Variants in ABCB11 observed in about 807,000 individuals in gnomAD.
ABCB11 encodes bile salt export pump.
In ABCB11, 95 loss-of-function variants were observed where a neutral mutation model predicts 148.0. That is an observed-to-expected ratio of 0.64 (90% confidence interval 0.54 to 0.76). The LOEUF (loss-of-function observed/expected upper bound fraction) is 0.76. ABCB11 is among the 30% of genes least tolerant of loss of function. The pLI, the probability that ABCB11 is intolerant of heterozygous loss-of-function variation, is 0.00. For missense variants in ABCB11, 1,523 were observed against 1,617.8 expected (o/e 0.94, Z 1.01); for synonymous variants, 591 against 555.4 (o/e 1.06, Z -0.90).
In ABCB11 at chr2:168,945,024, T is replaced by C. The variant is rs1217925846; in HGVS notation, c.2344-63A>G. 18 of 1,171,282 alleles carry C rather than the reference T, an allele frequency of 1.5e-5. No homozygotes were observed. In the Admixed American group the frequency reaches 2.4e-4, roughly 16 times the overall value. 72.6% of individuals were successfully genotyped at this position (1,171,282 alleles called of 1,614,324 possible). ...AAATAGAAAAATAAATCTATTTACA[T>C]GTTTAAAATGAATTTTTCTTACCAT... On this transcript the variant is annotated intron_variant, in intron 19 of 27. Transcript: ENST00000650372.
At position 168,970,155 on chromosome 2, in the gene ABCB11, C is replaced by T. The variant is rs886055066; in HGVS notation, c.1699G>A (p.Val567Ile). Residue 567 changes from valine to isoleucine, a missense_variant, in exon 15 of 28, where the codon GTA (valine) becomes ATA (isoleucine). Transcript: ENST00000650372. ...GQMSGGQKQR[V>I]AIARALIRNP... is the part of the protein sequence containing the mutation. ...CGGATGAGGGCTCTGGCGATAGCTA[C>T]CCTTTGTTTCTGGCCACCACTCATC... The T allele has an allele frequency of 8.1e-6, 13 of 1,612,734 alleles. No homozygotes were observed. The highest frequency in any genetic ancestry group is 1.7e-5 in the Admixed American group (1 of 59,826).
At chr2:168,951,406 G>T (rs980149312) in intron 19 of ABCB11, among the ~76,000 whole-genome samples, 2 of 151,460 alleles carry the variant, frequency 1.3e-5, no homozygotes, top group Non-Finnish European at 3.0e-5. Context: ...TTTTCCTTTT[G>T]TTTGTGGCAT....
rs11568368 is a variant in ABCB11, at chr2:168,970,183, G to A, written c.1671C>T (p.Gly557=). 7.4e-6 allele frequency: 12 copies of A among 1,612,272 alleles called. No individual in the cohort carries two copies. The highest frequency in any genetic ancestry group is 1.1e-5 in the South Asian group (1 of 91,038). Residue 557 remains glycine, a synonymous_variant, in exon 15 of 28, where the codon GGC becomes GGT. Coordinates refer to ENST00000650372, the MANE Select transcript of ABCB11 (RefSeq NM_003742.4). The part of the protein sequence containing the change: ...QFDTLVGEGG[G]QMSGGQKQRV... ...TTTGTTTCTGGCCACCACTCATCTG[G>A]CCTCCTCCTTCTCCAACAAGGGTGT...
chr2:169,002,189 G>A (rs139011437), intron 5 of ABCB11, among the ~76,000 whole-genome samples: 2 of 152,052 alleles, frequency 1.3e-5, no homozygotes, highest in African/African-American at 4.8e-5. Flanking sequence ...AAAGATAAAA[G>A]GGTCAATCCA....
At chr2:168,930,946 C>A in intron 24 of ABCB11, 84 bp from the exon 25 acceptor site, 24 of 1,272,920 alleles carry the variant, frequency 1.9e-5, no homozygotes, top group Non-Finnish European at 2.6e-5. Flanking sequence ...AGTTTAAAAT[C>A]CCTGCTTGAG....
rs1187818271 is a variant in ABCB11 at position 168,970,175 on chromosome 2, C to T, written c.1679G>A (p.Ser560Asn). Residue 560 changes from serine (S) to asparagine (N), a missense_variant, in exon 15 of 28, where the codon AGT (serine) becomes AAT (asparagine). Ser to Asn is a conservative substitution (Grantham distance 46). Transcript: ENST00000650372. ...TLVGEGGGQMSGGQKQRVAIA... is the reference protein window; with the variant it reads ...TLVGEGGGQMNGGQKQRVAIA... Reference sequence around the variant, plus strand: ...AGCTACCCTTTGTTTCTGGCCACCACTCATCTGGCCTCCTCCTTCTCCAAC... The same window carrying T: ...AGCTACCCTTTGTTTCTGGCCACCATTCATCTGGCCTCCTCCTTCTCCAAC... The T allele has an allele frequency of 6.2e-7, 1 of 1,612,470 alleles. No individual in the cohort carries two copies. Among genetic ancestry groups the T allele is most frequent in the Non-Finnish European group, 8.5e-7 (1 of 1,179,150 alleles).
intron 21 of ABCB11, among the ~76,000 whole-genome samples, chr2:168,942,414 T>C (rs948023276): frequency 6.6e-6 from 1 of 151,452 alleles, no homozygotes; most frequent in African/African-American, 2.4e-5. Flanking sequence ...CAGAAATAGA[T>C]AAGAGAATTT....
At chr2:168,944,787 T>A (rs752606585) in intron 20 of ABCB11, 21 bp from the exon 21 acceptor site, 1 of 1,610,872 alleles carries the variant, frequency 6.2e-7, no homozygotes, top group Admixed American at 1.7e-5. Flanking sequence ...AAGAGGGAGA[T>A]GTTAGAGAAA....
At chr2:169,017,906 C>T (rs757673519) in intron 2 of ABCB11, 144 bp downstream of exon 2, 1 of 792,252 alleles carries the variant, frequency 1.3e-6, no homozygotes, top group African/African-American at 1.7e-5. Flanking sequence ...GAGAGCCACA[C>T]AGTTGTGTAT....
At chr2:168,944,339 G>A (rs1299091695) in intron 21 of ABCB11, among the ~76,000 whole-genome samples, 1 of 151,982 alleles carries the variant, frequency 6.6e-6, no homozygotes, top group African/African-American at 2.4e-5. Flanking sequence ...AACAGACTCA[G>A]AAATGTTCCT....
chr2:168,997,052 G>A (rs1344507151), intron 5 of ABCB11, among the ~76,000 whole-genome samples: 2 of 151,858 alleles, frequency 1.3e-5, no homozygotes, highest in African/African-American at 4.8e-5. Context: ...ACCCTAAATG[G>A]CAGCCCAGGG....
intron 15 of ABCB11, 117 bp downstream of exon 15, chr2:168,969,928 T>G (rs1693497229): frequency 9.9e-7 from 1 of 1,010,386 alleles, no homozygotes; most frequent in East Asian, 2.4e-5. Context: ...ACTAGATGCA[T>G]GAACCCATGT....
rs1397806897 is a variant in ABCB11 at position 168,964,712 on chromosome 2, A to G, written c.2076-404T>C. On this transcript the variant is annotated intron_variant, in intron 17 of 27. Transcript: ENST00000650372. ...TTCTGGCTTAGATTGTGGTCTTGATATCTTTCTCTCATACCTGATGTGTTC... is the reference window on the plus strand; with the variant it reads ...TTCTGGCTTAGATTGTGGTCTTGATGTCTTTCTCTCATACCTGATGTGTTC... Among the ~76,000 whole-genome samples the G allele has an allele frequency of 6.6e-5, 10 of 151,846 alleles. No homozygotes were observed. The East Asian group carries it at 1.6e-3, about 24-fold the overall frequency.
At chr2:168,924,155 C>T (rs1007269957) in intron 27 of ABCB11, among the ~76,000 whole-genome samples, 3 of 152,208 alleles carry the variant, frequency 2.0e-5, no homozygotes, top group Non-Finnish European at 2.9e-5. Flanking sequence ...CCTGATACTG[C>T]TCTTCATTGA....
chr2:168,944,602 C>T lies in ABCB11; in HGVS notation c.2610+3G>A. The T allele has an allele frequency of 6.3e-7, 1 of 1,597,216 alleles. No homozygotes were observed. The highest frequency in any genetic ancestry group is 1.7e-5 in the Admixed American group (1 of 57,636). On this transcript the variant is annotated splice_donor_region_variant and intron_variant, in intron 21 of 27. Coordinates refer to ENST00000650372, the MANE Select transcript of ABCB11 (RefSeq NM_003742.4). ...TACTTCTATTTCCCCTCCCATAGCT[C>T]ACCCCTTGAACTTGGGAAGCATCTG...
Position 168,972,016 on chromosome 2 carries a change from T to C in ABCB11, c.1469A>G (p.Asn490Ser). 3 of 1,612,856 alleles carry C rather than the reference T, an allele frequency of 1.9e-6. No individual in the cohort carries two copies. The highest frequency in any genetic ancestry group is 2.5e-6 in the Non-Finnish European group (3 of 1,179,308). Residue 490 changes from asparagine (N) to serine (S), a missense_variant, in exon 14 of 28, where the codon AAC (asparagine) becomes AGC (serine). Coordinates refer to ENST00000650372, the MANE Select transcript of ABCB11 (RefSeq NM_003742.4). ...TVDGHDIRSL[N>S]IQWLRDQIGI... ...AATCTGATCTCTAAGCCACTGAATG[T>C]TAAGAGAGCGAATGTCATGGCCATC...
At chr2:168,959,296 A>T (rs1692944310) in intron 18 of ABCB11, among the ~76,000 whole-genome samples, 1 of 151,660 alleles carries the variant, frequency 6.6e-6, no homozygotes, top group Non-Finnish European at 1.5e-5. Flanking sequence ...ATTACTGCTC[A>T]CTCATGCAGC....
chr2:168,932,303 C>T, intron 24 of ABCB11, 74 bp downstream of exon 24: 2 of 1,288,334 alleles, frequency 1.6e-6, no homozygotes, highest in Non-Finnish European at 2.2e-6. Flanking sequence ...ATGATGGTTT[C>T]CAGCTTCATC....
intron 5 of ABCB11, among the ~76,000 whole-genome samples, chr2:169,002,662 A>G (rs1373418689): frequency 6.6e-6 from 1 of 152,336 alleles, no homozygotes; most frequent in African/African-American, 2.4e-5. Context: ...TATCATGTTA[A>G]GTGAAATAAG....
Sources: gnomAD v4.1 joint callset for allele counts (sites outside exome capture counted in the v4.1 genomes callset) on GRCh38, gnomAD v4.1.1 for gene constraint, MANE v1.5 for transcripts, NCBI Gene and HGNC (gene_info 2026-07-23, HGNC 2026-07-21) for gene names.